The following CLEC2D variants were observed in gnomAD, a reference collection of about 807,000 sequenced individuals.
The protein encoded by CLEC2D is C-type lectin related f.
In CLEC2D, 16 loss-of-function variants were observed where a neutral mutation model predicts 20.0. The ratio of observed to expected loss-of-function variants is 0.80; its 90% CI spans 0.54 to 1.22. The LOEUF (loss-of-function observed/expected upper bound fraction) is 1.22, where lower values mean the gene tolerates loss of function less well. Ranked by LOEUF, CLEC2D falls within the 50% of genes most tolerant of loss-of-function variation. The pLI, the probability that CLEC2D is intolerant of heterozygous loss-of-function variation, is 0.00. For synonymous variants in CLEC2D, 77 were observed against 71.1 expected (o/e 1.08, Z -0.42); for missense variants, 207 against 221.5 (o/e 0.93, Z 0.42).
rs1400207014 is a variant in CLEC2D at position 9,698,062 on chromosome 12, C to T, written c.*3188C>T. The T allele has an allele frequency of 3.9e-5, 6 of 152,114 alleles. No individual in the cohort carries two copies. Among genetic ancestry groups the T allele is most frequent in the Admixed American group, 3.9e-4 (6 of 15,262 alleles). 9.4% of individuals were successfully genotyped at this position (152,114 alleles called of 1,614,324 possible). On this transcript the variant is annotated 3_prime_UTR_variant, in exon 5 of 5. Coordinates refer to ENST00000290855, the MANE Select transcript of CLEC2D (RefSeq NM_013269.6). Reference sequence around the variant, plus strand: ...TGGGAGATACATGATAAATTTCTATCTGCAGTTGCTATTTGCATTTTTAAA... The same window carrying T: ...TGGGAGATACATGATAAATTTCTATTTGCAGTTGCTATTTGCATTTTTAAA...
At chr12:9,680,007 A>G (rs774646755) in intron 1 of CLEC2D, among the ~76,000 whole-genome samples, 2 of 152,196 alleles carry the variant, frequency 1.3e-5, no homozygotes, top group African/African-American at 2.4e-5. Flanking sequence ...GATATGGCCT[A>G]GCTGTGTCTT....
intron 1 of CLEC2D, among the ~76,000 whole-genome samples, chr12:9,678,136 T>C (rs977278257): frequency 6.6e-6 from 1 of 152,162 alleles, no homozygotes. Context: ...AATACTCTCT[T>C]GTTAGGTGCG....
chr12:9,692,994 T>C (rs754479014), intron 4 of CLEC2D, 63 bp downstream of exon 4: 10 of 1,596,468 alleles, frequency 6.3e-6, no homozygotes, highest in Non-Finnish European at 8.6e-6. Flanking sequence ...AAATCTGAAG[T>C]GTTCTCTAGT....
chr12:9,694,674 G>A, intron 4 of CLEC2D, 86 bp from the exon 5 acceptor site: 1 of 770,774 alleles, frequency 1.3e-6, no homozygotes, highest in Non-Finnish European at 2.3e-6. Context: ...CTGAATTAAT[G>A]TTAGTTTTCT....
At position 9,697,038 on chromosome 12, in the gene CLEC2D, T is replaced by TAC. The variant is rs1271290500; in HGVS notation, c.*2165_*2166insCA. 0.033 allele frequency: 6 copies of TAC among 184 alleles called. No homozygotes were observed. Among genetic ancestry groups the TAC allele is most frequent in the Non-Finnish European group, 0.19 (6 of 32 alleles). The allele number at this position is 184 out of a possible 1,614,324, so 0.0% of individuals were successfully genotyped here. ...CACACACATTATATACATACATACA[T>TAC]ATATATATATATATAAAAAATAGAA... On this transcript the variant is annotated 3_prime_UTR_variant, in exon 5 of 5. Coordinates refer to ENST00000290855, the MANE Select transcript of CLEC2D (RefSeq NM_013269.6).
At chr12:9,680,890 AT>A (rs1865620476) in intron 1 of CLEC2D, 32 bp from the exon 2 acceptor site, 2 of 1,064,680 alleles carry the variant, frequency 1.9e-6, no homozygotes, top group Non-Finnish European at 1.5e-6. Flanking sequence ...TCTGTATTTA[AT>A]TGTTAAAATG....
At position 9,669,731 on chromosome 12, in the gene CLEC2D, C is replaced by T; in HGVS notation, c.-4C>T. On this transcript the variant is annotated 5_prime_UTR_variant, in exon 1 of 5. Coordinates refer to ENST00000290855, the MANE Select transcript of CLEC2D (RefSeq NM_013269.6). ...TTAGATCACTCATAGAAACTGGAGG[C>T]AAAATGCATGACAGTAACAATGTGG... The T allele has an allele frequency of 6.2e-7, 1 of 1,612,052 alleles. No homozygotes were observed. Among genetic ancestry groups the T allele is most frequent in the Non-Finnish European group, 8.5e-7 (1 of 1,178,318 alleles).
In CLEC2D at chr12:9,698,505, A is replaced by G. The variant is rs1042722845; in HGVS notation, c.*3631A>G. 6.6e-6 allele frequency: 1 copy of G among 152,174 alleles called. No homozygotes were observed. The highest frequency in any genetic ancestry group is 2.4e-5 in the African/African-American group (1 of 41,436). The allele number at this position is 152,174 out of a possible 1,614,324, so 9.4% of individuals were successfully genotyped here. A position where few individuals can be genotyped will look rare whatever the true frequency, so the allele number is the denominator to read the frequency against. ...AAATTGGACCCTTACCTCCTACCAT[A>G]TATAAAAACCAACTGAAAATCGATT... is the stretch of plus-strand genomic sequence containing the variant. On this transcript the variant is annotated 3_prime_UTR_variant, in exon 5 of 5. Coordinates refer to ENST00000290855, the MANE Select transcript of CLEC2D (RefSeq NM_013269.6).
At chr12:9,690,546 G>A (rs1162297262) in intron 3 of CLEC2D, among the ~76,000 whole-genome samples, 1 of 151,778 alleles carries the variant, frequency 6.6e-6, no homozygotes, top group Non-Finnish European at 1.5e-5. Context: ...TAACTTCATA[G>A]GCAAATGAAT....
chr12:9,688,283 C>T (rs541795590), intron 3 of CLEC2D, 197 bp downstream of exon 3: 63 of 1,071,264 alleles, frequency 5.9e-5, no homozygotes, highest in Non-Finnish European at 6.7e-5. Context: ...CCTTAATATT[C>T]GTGGCAGGAA....
chr12:9,674,959 T>A (rs1047722504), intron 1 of CLEC2D, among the ~76,000 whole-genome samples: 6 of 152,188 alleles, frequency 3.9e-5, no homozygotes, highest in African/African-American at 1.4e-4. Flanking sequence ...CCTTTAGGAC[T>A]ATGATACATT....
chr12:9,687,549 A>G (rs1364275427), intron 2 of CLEC2D, among the ~76,000 whole-genome samples: 1 of 152,186 alleles, frequency 6.6e-6, no homozygotes, highest in Non-Finnish European at 1.5e-5. Flanking sequence ...GCACTTGGAG[A>G]ACTATCTGTT....
chr12:9,677,455 A>G (rs1032049157), intron 1 of CLEC2D, among the ~76,000 whole-genome samples: 1 of 151,958 alleles, frequency 6.6e-6, no homozygotes, highest in African/African-American at 2.4e-5. Context: ...TATTGACTCT[A>G]GTTTATTTAC....
At chr12:9,679,274 C>G (rs1156752933) in intron 1 of CLEC2D, among the ~76,000 whole-genome samples, 1 of 151,868 alleles carries the variant, frequency 6.6e-6, no homozygotes, top group Non-Finnish European at 1.5e-5. Flanking sequence ...TATATTGTTC[C>G]TTTTTCATAT....
At chr12:9,690,677 G>C (rs1423304809) in intron 3 of CLEC2D, among the ~76,000 whole-genome samples, 1 of 151,888 alleles carries the variant, frequency 6.6e-6, no homozygotes, top group African/African-American at 2.4e-5. Flanking sequence ...AAGCTATGTT[G>C]ATATTATGAA....
rs890968549 is a variant in CLEC2D at position 9,697,804 on chromosome 12, A to T, written c.*2930A>T. On this transcript the variant is annotated 3_prime_UTR_variant, in exon 5 of 5. Coordinates refer to ENST00000290855, the MANE Select transcript of CLEC2D (RefSeq NM_013269.6). The stretch of plus-strand genomic sequence containing the variant: ...AATACAGAGACACAGGTCAAAAGAT[A>T]CAGAGTTGCAGTTACAAAGGGTGAG... The T allele has an allele frequency of 6.6e-6, 1 of 152,204 alleles. No individual in the cohort carries two copies. The highest frequency in any genetic ancestry group is 2.4e-5 in the African/African-American group (1 of 41,456). 9.4% of individuals were successfully genotyped at this position (152,204 alleles called of 1,614,324 possible).
At chr12:9,674,776 G>T (rs946664185) in intron 1 of CLEC2D, among the ~76,000 whole-genome samples, 4 of 152,118 alleles carry the variant, frequency 2.6e-5, no homozygotes, top group African/African-American at 9.7e-5. Context: ...TCATTATTTT[G>T]ATTATGTCTT....
chr12:9,670,842 T>C (rs1400521916), intron 1 of CLEC2D, among the ~76,000 whole-genome samples: 1 of 152,178 alleles, frequency 6.6e-6, no homozygotes, highest in African/African-American at 2.4e-5. Flanking sequence ...AGGGGTGAAA[T>C]TGGGAACTGT....
chr12:9,693,327 CTAT>C, intron 4 of CLEC2D: 1 of 418,234 alleles, frequency 2.4e-6, no homozygotes, highest in Non-Finnish European at 4.3e-6. Flanking sequence ...GCAATTATAC[CTAT>C]TATTTAAAAT....
Sources: gnomAD v4.1 joint callset for allele counts (sites outside exome capture counted in the v4.1 genomes callset) on GRCh38, gnomAD v4.1.1 for gene constraint, MANE v1.5 for transcripts, NCBI Gene and HGNC (gene_info 2026-07-23, HGNC 2026-07-21) for gene names.